The following RAB15 variants were observed in gnomAD, a reference collection of about 807,000 sequenced individuals.
RAB15 encodes RAB15, member RAS oncogene family.
Under a neutral mutation model 31.8 loss-of-function variants are expected in RAB15, and 13 were observed. The ratio of observed to expected loss-of-function variants is 0.41; its 90% CI spans 0.27 to 0.65. The LOEUF (loss-of-function observed/expected upper bound fraction) is 0.65, where lower values mean the gene tolerates loss of function less well. Among genes scored for constraint, RAB15 ranks in the 30% least tolerant of loss-of-function variants. RAB15 has a pLI of 0.32. For missense variants in RAB15, 220 were observed against 277.3 expected (o/e 0.79, Z 1.47); for synonymous variants, 100 against 105.6 (o/e 0.95, Z 0.33).
rs1885915742 is a variant in RAB15 at position 64,946,249 on chromosome 14, T to G, written c.*2105A>C. On this transcript the variant is annotated 3_prime_UTR_variant, in exon 7 of 7. Transcript: ENST00000533601. ...TATAGTCCTTCTTTCCTGAGGGGGC[T>G]AGGAGAGAAAGACAATGAATGGCAC... 1 of 152,160 alleles carries G rather than the reference T, an allele frequency of 6.6e-6. No individual in the cohort carries two copies. Among genetic ancestry groups the G allele is most frequent in the Admixed American group, 6.5e-5 (1 of 15,268 alleles). The allele number at this position is 152,160 out of a possible 1,614,324, so 9.4% of individuals were successfully genotyped here. A position where few individuals can be genotyped will look rare whatever the true frequency, so the allele number is the denominator to read the frequency against.
chr14:64,960,744 T>G (rs1025739235), intron 1 of RAB15, among the ~76,000 whole-genome samples: 1 of 151,632 alleles, frequency 6.6e-6, no homozygotes, highest in African/African-American at 2.4e-5. Flanking sequence ...GGAGGGGGAA[T>G]GGAAAGAGCT....
At chr14:64,956,952 G>A (rs111955827) in intron 1 of RAB15, among the ~76,000 whole-genome samples, 40,405 of 147,182 alleles carry the variant, frequency 0.27, 5,700 homozygotes, top group Non-Finnish European at 0.3. Context: ...TTTTTTTTTG[G>A]GATGGAGTCT....
In RAB15 at chr14:64,972,161, C is replaced by G; in HGVS notation, c.-85G>C. ...GCTGCCATCGCGGCCCGCGCCCGCC[C>G]GGGGACGCTGCGGGCGGCGAGGAGG... On this transcript the variant is annotated 5_prime_UTR_variant, in exon 1 of 7. Transcript: ENST00000533601. The surrounding 1 kb of genome is among the most constrained non-coding windows in gnomAD (Gnocchi z 6.3). 1 of 1,153,924 alleles carries G rather than the reference C, an allele frequency of 8.7e-7. No homozygotes were observed. The highest frequency in any genetic ancestry group is 1.1e-6 in the Non-Finnish European group (1 of 929,772). 71.5% of individuals were successfully genotyped at this position (1,153,924 alleles called of 1,614,324 possible). A position where few individuals can be genotyped will look rare whatever the true frequency, so the allele number is the denominator to read the frequency against.
chr14:64,964,142 C>T (rs577305068), intron 1 of RAB15, among the ~76,000 whole-genome samples: 4 of 152,102 alleles, frequency 2.6e-5, no homozygotes, highest in East Asian at 1.9e-4. Flanking sequence ...GCAAGTGAGA[C>T]GAATAAATGG....
At chr14:64,949,223 G>C (rs147300482) in intron 5 of RAB15, among the ~76,000 whole-genome samples, 1,610 of 152,346 alleles carry the variant, frequency 0.011, 11 homozygotes, top group Non-Finnish European at 0.015. Context: ...AAAAGCGCTT[G>C]CCTTAGCACA....
At chr14:64,959,566 T>G (rs1399122313) in intron 1 of RAB15, among the ~76,000 whole-genome samples, 1 of 151,772 alleles carries the variant, frequency 6.6e-6, no homozygotes, top group Non-Finnish European at 1.5e-5. Flanking sequence ...CAAAACAAAT[T>G]CTAAATAAAT....
chr14:64,964,916 T>G (rs150825954), intron 1 of RAB15, among the ~76,000 whole-genome samples: 354 of 151,852 alleles, frequency 2.3e-3, no homozygotes, highest in Non-Finnish European at 4.0e-3. Context: ...CTTTCTATAG[T>G]TCATGGTGCC....
At chr14:64,966,752 A>G (rs1414003366) in intron 1 of RAB15, among the ~76,000 whole-genome samples, 8 of 152,134 alleles carry the variant, frequency 5.3e-5, no homozygotes, top group Non-Finnish European at 1.2e-4. Context: ...GCCATGGGAA[A>G]TGTGCATGTT....
chr14:64,953,409 G>A lies in RAB15; in HGVS notation c.125-838C>T, dbSNP rs1411986926. Among the ~76,000 whole-genome samples, 1 of 152,196 alleles carries A rather than the reference G, an allele frequency of 6.6e-6. No homozygotes were observed. The highest frequency in any genetic ancestry group is 1.9e-4 in the East Asian group (1 of 5,198). On this transcript the variant is annotated intron_variant, in intron 1 of 6. Transcript: ENST00000533601. The surrounding 1 kb of genome is among the most constrained non-coding windows in gnomAD (Gnocchi z 4.6). ...CTGCAGCTGTCATGAGCTAGTGCAG[G>A]GCCGGGTACATGCGGGTGCTTATGA...
rs1024839377 is a variant in RAB15, at chr14:64,954,478, A to G, written c.125-1907T>C. On this transcript the variant is annotated intron_variant, in intron 1 of 6. Transcript: ENST00000533601. This position sits in a 1 kb window ranked among gnomAD's most constrained non-coding sequence, Gnocchi z 4.3. ...CACACTAGCCTAGCAAACCTGGCCA[A>G]GGACAGTGCCTTGTGCAAAGCCATC... is the stretch of plus-strand genomic sequence containing the variant. 4.1e-6 allele frequency: 4 copies of G among 985,374 alleles called. No individual in the cohort carries two copies. Among genetic ancestry groups the G allele is most frequent in the Non-Finnish European group, 4.8e-6 (4 of 829,940 alleles). 61.0% of individuals were successfully genotyped at this position (985,374 alleles called of 1,614,324 possible).
At position 64,950,391 on chromosome 14, in the gene RAB15, C is replaced by A; in HGVS notation, c.348G>T (p.Lys116Asn). 6.2e-7 allele frequency: 1 copy of A among 1,614,090 alleles called. No individual in the cohort carries two copies. The highest frequency in any genetic ancestry group is 1.1e-5 in the South Asian group (1 of 91,072). The change falls in exon 5 of 7, where the codon AAG becomes AAT. Residue 116 changes from lysine (K) to asparagine (N), a missense_variant. By Grantham distance (94) the Lys-to-Asn change is moderately conservative. Coordinates refer to ENST00000533601, the MANE Select transcript of RAB15 (RefSeq NM_001308154.2). The surrounding 1 kb of genome is among the most constrained non-coding windows in gnomAD (Gnocchi z 5.6). ...CATCAGCCTTATTCCCAATAAGGAT[C>A]TTCTGGACGCCTTCTGGTGCGTACT... ...VDEYAPEGVQ[K>N]ILIGNKADEE...
In RAB15 at chr14:64,954,460, G is replaced by A. The variant is rs1886430290; in HGVS notation, c.125-1889C>T. Reference sequence around the variant, plus strand: ...ATATACCTGGTTTATCCTCACACTAGCCTAGCAAACCTGGCCAAGGACAGT... The same window carrying A: ...ATATACCTGGTTTATCCTCACACTAACCTAGCAAACCTGGCCAAGGACAGT... On this transcript the variant is annotated intron_variant, in intron 1 of 6. Transcript: ENST00000533601. This position sits in a 1 kb window ranked among gnomAD's most constrained non-coding sequence, Gnocchi z 4.3. 3.0e-6 allele frequency: 3 copies of A among 985,318 alleles called. No individual in the cohort carries two copies. The Admixed American group carries it at 1.8e-4, about 61-fold the overall frequency. 61.0% of individuals were successfully genotyped at this position (985,318 alleles called of 1,614,324 possible). A position where few individuals can be genotyped will look rare whatever the true frequency, so the allele number is the denominator to read the frequency against.
Position 64,971,061 on chromosome 14 carries a change from G to C in RAB15, c.124+892C>G, listed in dbSNP as rs772338160. On this transcript the variant is annotated intron_variant, in intron 1 of 6. Transcript: ENST00000533601. The surrounding 1 kb of genome is among the most constrained non-coding windows in gnomAD (Gnocchi z 4.1). ...GCAGAGGCTACTCCAGGGCTGACCC[G>C]GGTAGCAGCTGAGGATGAAATTCCC... 1.6e-4 allele frequency among the ~76,000 whole-genome samples: 24 copies of C among 152,168 alleles called. No individual in the cohort carries two copies. The highest frequency in any genetic ancestry group is 5.2e-4 in the Admixed American group (8 of 15,282).
intron 1 of RAB15, among the ~76,000 whole-genome samples, chr14:64,959,884 AG>A (rs2139988056): frequency 6.9e-6 from 1 of 143,924 alleles, no homozygotes; most frequent in African/African-American, 2.6e-5. Context: ...CAATTCCATG[AG>A]GGGGATCTCC....
intron 1 of RAB15, among the ~76,000 whole-genome samples, chr14:64,959,305 C>T (rs1886734787): frequency 6.6e-6 from 1 of 152,174 alleles, no homozygotes; most frequent in Non-Finnish European, 1.5e-5. Flanking sequence ...GGATTGGCCA[C>T]TGCTGCCTAA....
chr14:64,966,266 T>A (rs1887132586), intron 1 of RAB15, among the ~76,000 whole-genome samples: 1 of 152,208 alleles, frequency 6.6e-6, no homozygotes, highest in South Asian at 2.1e-4. Flanking sequence ...GTTCAGCAAA[T>A]AGCGCCTGAA....
At position 64,968,905 on chromosome 14, in the gene RAB15, G is replaced by C. The variant is rs1180111024; in HGVS notation, c.124+3048C>G. On this transcript the variant is annotated intron_variant, in intron 1 of 6. Coordinates refer to ENST00000533601, the MANE Select transcript of RAB15 (RefSeq NM_001308154.2). The surrounding 1 kb of genome is among the most constrained non-coding windows in gnomAD (Gnocchi z 4.9). Reference sequence around the variant, plus strand: ...GACGAAAAGGATAGGGGGAGGGACAGTCAGTGTCTCAGTCTACCAGGGAGG... The same window carrying C: ...GACGAAAAGGATAGGGGGAGGGACACTCAGTGTCTCAGTCTACCAGGGAGG... 6.6e-6 allele frequency among the ~76,000 whole-genome samples: 1 copy of C among 152,242 alleles called. No individual in the cohort carries two copies. Among genetic ancestry groups the C allele is most frequent in the Non-Finnish European group, 1.5e-5 (1 of 68,046 alleles).
At chr14:64,963,210 C>T (rs1037087920) in intron 1 of RAB15, among the ~76,000 whole-genome samples, 5 of 149,504 alleles carry the variant, frequency 3.3e-5, no homozygotes, top group Middle Eastern at 3.5e-3. Flanking sequence ...CCTCCACCTC[C>T]TGTGTTAAAG....
chr14:64,963,696 G>T (rs1336973549), intron 1 of RAB15, among the ~76,000 whole-genome samples: 1 of 152,194 alleles, frequency 6.6e-6, no homozygotes, highest in Non-Finnish European at 1.5e-5. Flanking sequence ...TCCTGGCAAG[G>T]GGCTTCTTGA....
Sources: gnomAD v4.1 joint callset for allele counts (sites outside exome capture counted in the v4.1 genomes callset) on GRCh38, gnomAD v4.1.1 for gene constraint, Gnocchi (gnomAD v3.1) non-coding constraint, MANE v1.5 for transcripts, NCBI Gene and HGNC (gene_info 2026-07-23, HGNC 2026-07-21) for gene names.